The following SETD7 variants were observed in gnomAD, a reference collection of about 807,000 sequenced individuals.
SETD7 encodes SET domain containing 7, histone lysine methyltransferase, also known as histone-lysine N-methyltransferase SETD7.
SETD7 carries 16 observed loss-of-function variants against 41.8 expected under a neutral mutation model. The observed-to-expected ratio is 0.38, with a 90% confidence interval of 0.26 to 0.58. The LOEUF is 0.58. SETD7 is among the 20% of genes least tolerant of loss of function. The pLI is 0.64. For synonymous variants in SETD7, 163 were observed against 169.7 expected, an observed-to-expected ratio of 0.96 and a Z score of 0.31; for missense variants, 346 against 459.7, an observed-to-expected ratio of 0.75 and a Z score of 2.26.
At chr4:139,537,419 C>A (rs1283906487) in intron 2 of SETD7, among the ~76,000 whole-genome samples, 1 of 152,200 alleles carries the variant, frequency 6.6e-6, no homozygotes, top group African/African-American at 2.4e-5. Context: ...GGTTTCAGAG[C>A]AAGTCTGCTG....
chr4:139,501,246 G>A (rs1726570800), downstream of SETD7, among the ~76,000 whole-genome samples: 1 of 152,126 alleles, frequency 6.6e-6, no homozygotes, highest in Non-Finnish European at 1.5e-5. Context: ...CCCAGAAGAG[G>A]GACTGCTATG....
chr4:139,552,441 G>T (rs1399787305), intron 1 of SETD7, among the ~76,000 whole-genome samples: 2 of 152,106 alleles, frequency 1.3e-5, no homozygotes, highest in Non-Finnish European at 2.9e-5. Flanking sequence ...ACTGCAAAGA[G>T]ACTTCAAGGT....
chr4:139,548,294 A>G (rs1052895718), intron 1 of SETD7, among the ~76,000 whole-genome samples: 1 of 152,232 alleles, frequency 6.6e-6, no homozygotes, highest in South Asian at 2.1e-4. Context: ...TGATAAAAGA[A>G]TATTAGCCCT....
intron 2 of SETD7, among the ~76,000 whole-genome samples, chr4:139,535,829 A>G: frequency 6.6e-6 from 1 of 152,150 alleles, no homozygotes; most frequent in East Asian, 1.9e-4. Context: ...ATCTGATGAC[A>G]AAAGAGGGCA....
rs1234647918 is a variant in SETD7 at position 139,510,349 on chromosome 4, A to G, written c.*1314T>C. ...GGTGCTTATAAAAAACAAAACTCTC[A>G]GGATTCATTCAGAGCAATCCCAGTG... is the stretch of plus-strand genomic sequence containing the variant. On this transcript the variant is annotated 3_prime_UTR_variant, in exon 8 of 8. Coordinates refer to ENST00000274031, the MANE Select transcript of SETD7 (RefSeq NM_030648.4). 1 of 152,242 alleles carries G rather than the reference A, an allele frequency of 6.6e-6. No homozygotes were observed. Among genetic ancestry groups the G allele is most frequent in the Non-Finnish European group, 1.5e-5 (1 of 68,054 alleles). 9.4% of individuals were successfully genotyped at this position (152,242 alleles called of 1,614,324 possible).
At chr4:139,500,649 C>T (rs1726550909) in intron 7 of SETD7, among the ~76,000 whole-genome samples, 1 of 152,178 alleles carries the variant, frequency 6.6e-6, no homozygotes, top group South Asian at 2.1e-4. Context: ...GATGGGATTA[C>T]AGGCATGCAC....
chr4:139,499,146 C>G (rs1224353380), intron 7 of SETD7, among the ~76,000 whole-genome samples: 1 of 152,232 alleles, frequency 6.6e-6, no homozygotes, highest in African/African-American at 2.4e-5. Flanking sequence ...GCTGCCTTTG[C>G]AAAATTATAG....
chr4:139,525,431 T>C (rs1030874551), intron 4 of SETD7, among the ~76,000 whole-genome samples: 2 of 152,214 alleles, frequency 1.3e-5, no homozygotes, highest in African/African-American at 4.8e-5. Flanking sequence ...CTTTCCTCTA[T>C]AGTATGCTAT....
Position 139,511,769 on chromosome 4 carries a change from G to T in SETD7, c.995C>A (p.Thr332Asn), listed in dbSNP as rs1726884955. 1 of 1,614,044 alleles carries T rather than the reference G, an allele frequency of 6.2e-7. No individual in the cohort carries two copies. The highest frequency in any genetic ancestry group is 1.3e-5 in the African/African-American group (1 of 74,922). ...GCTGTGGTCATAGCCATAGGCAACG[G>T]TGAGCTCTTCATCGGCCTCCACTGC... ...LRAVEADEEL[T>N]VAYGYDHSPP... is the part of the protein sequence containing the mutation. The change falls in exon 8 of 8, where the codon ACC (threonine) becomes AAC (asparagine). Residue 332 changes from threonine (T) to asparagine (N), a missense_variant. Physicochemically the swap from Thr to Asn is moderately conservative, Grantham distance 65. Transcript: ENST00000274031.
At chr4:139,517,753 C>G (rs6843076) in intron 7 of SETD7, 132 bp downstream of exon 7, 3 of 911,598 alleles carry the variant, frequency 3.3e-6, no homozygotes, top group Admixed American at 2.8e-5. Context: ...ACCCTGAGGC[C>G]GATAGCAGAG....
At chr4:139,524,811 A>G (rs1019855356) in intron 4 of SETD7, among the ~76,000 whole-genome samples, 1 of 151,284 alleles carries the variant, frequency 6.6e-6, no homozygotes, top group Non-Finnish European at 1.5e-5. Flanking sequence ...CATTTAAACC[A>G]CCCTCCCCCA....
chr4:139,537,824 A>G (rs1273918507), intron 2 of SETD7, among the ~76,000 whole-genome samples: 1 of 152,230 alleles, frequency 6.6e-6, no homozygotes, highest in East Asian at 1.9e-4. Context: ...TACAGGCTGT[A>G]CGTGAGGAAA....
intron 1 of SETD7, among the ~76,000 whole-genome samples, chr4:139,552,313 A>G (rs1728132947): frequency 6.6e-6 from 1 of 152,072 alleles, no homozygotes; most frequent in Admixed American, 6.5e-5. Flanking sequence ...TGAGCTGCTT[A>G]TTTTCATTCT....
At chr4:139,520,749 A>G (rs1286968835) in intron 5 of SETD7, among the ~76,000 whole-genome samples, 1 of 152,214 alleles carries the variant, frequency 6.6e-6, no homozygotes, top group East Asian at 1.9e-4. Flanking sequence ...CATTTTTTCA[A>G]AGTTAATTAA....
intron 3 of SETD7, chr4:139,532,847 C>A (rs1026796384): frequency 3.0e-5 from 12 of 404,686 alleles, no homozygotes; most frequent in African/African-American, 2.4e-4. Flanking sequence ...CCTCTATGTG[C>A]CAAAAGAATT....
chr4:139,499,223 T>G (rs2111107610), intron 7 of SETD7, among the ~76,000 whole-genome samples: 1 of 152,344 alleles, frequency 6.6e-6, no homozygotes, highest in South Asian at 2.1e-4. Flanking sequence ...CTCATTCTTG[T>G]GTGGAGGCCA....
At position 139,511,641 on chromosome 4, in the gene SETD7, C is replaced by T. The variant is rs1050618186; in HGVS notation, c.*22G>A. On this transcript the variant is annotated 3_prime_UTR_variant, in exon 8 of 8. Transcript: ENST00000274031. Reference sequence around the variant, plus strand: ...AGATCCAAGTTTCTATTCCAGGTCTCTGAACCCCAAAGCCAGGCCTTTCAC... The same window carrying T: ...AGATCCAAGTTTCTATTCCAGGTCTTTGAACCCCAAAGCCAGGCCTTTCAC... 2.0e-5 allele frequency: 32 copies of T among 1,613,392 alleles called. No individual in the cohort carries two copies. Among genetic ancestry groups the T allele is most frequent in the Non-Finnish European group, 2.6e-5 (31 of 1,179,914 alleles).
At chr4:139,536,956 T>C (rs947004575) in intron 2 of SETD7, among the ~76,000 whole-genome samples, 3 of 152,200 alleles carry the variant, frequency 2.0e-5, no homozygotes, top group South Asian at 2.1e-4. Flanking sequence ...CGAGCCGAGA[T>C]CGCACCACTG....
At chr4:139,493,441 G>A (rs926256058), downstream of SETD7, among the ~76,000 whole-genome samples, 1 of 152,180 alleles carries the variant, frequency 6.6e-6, no homozygotes, top group Admixed American at 6.5e-5. Context: ...TGGAGAGGGA[G>A]CAGGAGCCAG....
Sources: gnomAD v4.1 joint callset for allele counts (sites outside exome capture counted in the v4.1 genomes callset) on GRCh38, gnomAD v4.1.1 for gene constraint, MANE v1.5 for transcripts, NCBI Gene and HGNC (gene_info 2026-07-23, HGNC 2026-07-21) for gene names.